Variants in ATXN8OS observed in about 807,000 individuals in gnomAD.
The protein encoded by ATXN8OS is ATXN8 opposite strand (non-protein coding).
At chr13:70,163,913 G>A (rs1889040764) in intron 4 of ATXN8OS, among the ~76,000 whole-genome samples, 1 of 150,602 alleles carries the variant, frequency 6.6e-6, no homozygotes, top group Admixed American at 6.6e-5. Flanking sequence ...TTGCCTGATA[G>A]AATAAATATA....
intron 4 of ATXN8OS, among the ~76,000 whole-genome samples, chr13:70,147,640 T>C (rs907545062): frequency 6.6e-6 from 1 of 152,188 alleles, no homozygotes; most frequent in African/African-American, 2.4e-5. Context: ...ATGTCATTAA[T>C]CCAGATTTTA....
intron 1 of ATXN8OS, among the ~76,000 whole-genome samples, chr13:70,111,397 C>T (rs907548574): frequency 6.6e-6 from 1 of 152,078 alleles, no homozygotes; most frequent in East Asian, 1.9e-4. Flanking sequence ...GGTCTTCTTC[C>T]TGGTGGGGAC....
At chr13:70,167,636 T>G (rs906036495) in intron 4 of ATXN8OS, among the ~76,000 whole-genome samples, 4 of 117,958 alleles carry the variant, frequency 3.4e-5, no homozygotes, top group Non-Finnish European at 8.5e-5. Flanking sequence ...GTTGTGCACA[T>G]GTACCCTAAA....
intron 3 of ATXN8OS, among the ~76,000 whole-genome samples, chr13:70,136,067 CTGAT>C (rs941648374): frequency 6.6e-6 from 1 of 152,176 alleles, no homozygotes; most frequent in African/African-American, 2.4e-5. Flanking sequence ...AGAAAATCCT[CTGAT>C]TGGCTACAGG....
rs143168996 is a variant in ATXN8OS at position 70,155,374 on chromosome 13, C to G, written n.573+7946C>G. 2.6e-3 allele frequency among the ~76,000 whole-genome samples: 403 copies of G among 152,228 alleles called. 1 individual carries two copies. The highest frequency in any genetic ancestry group is 9.2e-3 in the African/African-American group (381 of 41,550). On this transcript the variant is annotated intron_variant and non_coding_transcript_variant, in intron 4 of 4. Coordinates refer to ENST00000678624, the Ensembl canonical transcript of ATXN8OS. ...AACCATAGATAGATTGCCCAATTCTCAATTTGGTCCATAAGAAACATACCC... is the reference window on the plus strand; with the variant it reads ...AACCATAGATAGATTGCCCAATTCTGAATTTGGTCCATAAGAAACATACCC...
intron 2 of ATXN8OS, among the ~76,000 whole-genome samples, chr13:70,126,365 C>A (rs1413891062): frequency 2.0e-5 from 3 of 151,944 alleles, no homozygotes; most frequent in Non-Finnish European, 1.5e-5. Context: ...CCTCTAATAC[C>A]AAGGAATTCA....
chr13:70,107,723 G>A (rs530631519), upstream of ATXN8OS: 5 of 1,498,170 alleles, frequency 3.3e-6, no homozygotes, highest in South Asian at 6.7e-5. Context: ...AAGGCAAAAG[G>A]CTGGCAGCTC....
At chr13:70,108,153 G>A (rs918390204) in intron 1 of ATXN8OS, 8 of 401,036 alleles carry the variant, frequency 2.0e-5, no homozygotes, top group African/African-American at 6.2e-5. Flanking sequence ...AGGTGGTGGC[G>A]TTCTTGTCCT....
chr13:70,115,546 G>T (rs1053861088), intron 2 of ATXN8OS, among the ~76,000 whole-genome samples: 2 of 152,000 alleles, frequency 1.3e-5, no homozygotes, highest in South Asian at 2.1e-4. Context: ...GGTTTTTTTG[G>T]GGGGGCAACA....
chr13:70,147,309 A>G (rs547108625), intron 3 of ATXN8OS, among the ~76,000 whole-genome samples: 1 of 152,342 alleles, frequency 6.6e-6, no homozygotes, highest in South Asian at 2.1e-4. Flanking sequence ...AAATAAGTAT[A>G]ATTTGAAAGG....
chr13:70,169,735 A>C lies in ATXN8OS; in HGVS notation n.574-18A>C, dbSNP rs142397899. Among the ~76,000 whole-genome samples, 1,204 of 152,166 alleles carry C rather than the reference A, an allele frequency of 7.9e-3. 16 individuals are homozygous for C. The highest frequency in any genetic ancestry group is 0.027 in the African/African-American group (1,109 of 41,526). On this transcript the variant is annotated intron_variant and non_coding_transcript_variant, in intron 4 of 4. Coordinates refer to ENST00000678624, the Ensembl canonical transcript of ATXN8OS. The stretch of plus-strand genomic sequence containing the variant: ...GCATACTCCTGTGGCTCTCACTAAA[A>C]CTTTCCTTCTGTGATAGGACAATGT...
chr13:70,170,256 G>A (rs1012945626), exon 5 of ATXN8OS, among the ~76,000 whole-genome samples: 9 of 151,984 alleles, frequency 5.9e-5, no homozygotes, highest in East Asian at 3.9e-4. Context: ...TTCTGAATTC[G>A]TAACATATGA....
intron 3 of ATXN8OS, among the ~76,000 whole-genome samples, chr13:70,140,195 G>T (rs1888691367): frequency 6.6e-6 from 1 of 151,986 alleles, no homozygotes; most frequent in Admixed American, 6.6e-5. Flanking sequence ...TAAGTGCTTT[G>T]AATTTATTAT....
chr13:70,156,611 T>C (rs920911487), intron 4 of ATXN8OS, among the ~76,000 whole-genome samples: 1 of 152,124 alleles, frequency 6.6e-6, no homozygotes, highest in African/African-American at 2.4e-5. Flanking sequence ...GTTACTCTTT[T>C]TTTTGAAAAC....
At chr13:70,164,872 G>T (rs1431357049) in intron 4 of ATXN8OS, among the ~76,000 whole-genome samples, 1 of 151,806 alleles carries the variant, frequency 6.6e-6, no homozygotes, top group African/African-American at 2.4e-5. Context: ...GAAAATAAAA[G>T]AATTGTGGAA....
At chr13:70,139,755 TA>T (rs1311910499) in intron 3 of ATXN8OS, among the ~76,000 whole-genome samples, 1 of 152,134 alleles carries the variant, frequency 6.6e-6, no homozygotes, top group Non-Finnish European at 1.5e-5. Context: ...AGAAGGTGCA[TA>T]ACATAAATTA....
chr13:70,132,662 A>T (rs1409327000), intron 3 of ATXN8OS, among the ~76,000 whole-genome samples: 1 of 152,186 alleles, frequency 6.6e-6, no homozygotes, highest in Non-Finnish European at 1.5e-5. Context: ...GAGATAGACT[A>T]CATATTGAGA....
At chr13:70,146,695 A>T (rs530089030) in intron 3 of ATXN8OS, among the ~76,000 whole-genome samples, 114 of 144,400 alleles carry the variant, frequency 7.9e-4, no homozygotes, top group African/African-American at 2.7e-3. Context: ...GTTCTCACTC[A>T]TAGGTGGGAA....
intron 4 of ATXN8OS, among the ~76,000 whole-genome samples, chr13:70,160,940 G>A (rs1889002435): frequency 1.3e-5 from 2 of 150,098 alleles, no homozygotes; most frequent in Admixed American, 6.7e-5. Flanking sequence ...TTAACTTTCA[G>A]GTGGACCGAC....
Sources: gnomAD v4.1 joint callset for allele counts (sites outside exome capture counted in the v4.1 genomes callset) on GRCh38, gnomAD v4.1.1 for gene constraint, MANE v1.5 for transcripts, NCBI Gene and HGNC (gene_info 2026-07-23, HGNC 2026-07-21) for gene names.